The following MCPH1 variants were observed in gnomAD, a reference collection of about 807,000 sequenced individuals.
The protein encoded by MCPH1 is microcephalin.
In MCPH1, 104 loss-of-function variants were observed where a neutral mutation model predicts 84.5. The ratio of observed to expected loss-of-function variants is 1.23; its 90% CI spans 1.05 to 1.45. The LOEUF (loss-of-function observed/expected upper bound fraction) is 1.45. MCPH1 is among the 40% of genes most tolerant of loss of function. MCPH1 has a pLI of 0.00. For missense variants in MCPH1, 1,498 were observed against 1,005.7 expected (o/e 1.49, Z -6.62); for synonymous variants, 514 against 366.8 (o/e 1.40, Z -4.58).
chr8:6,471,767 A>G (rs954562606), intron 9 of MCPH1, among the ~76,000 whole-genome samples: 5 of 152,184 alleles, frequency 3.3e-5, no homozygotes, highest in African/African-American at 1.2e-4. Context: ...AGAAGCCTGT[A>G]CCCAAAAGTA....
At chr8:6,633,987 G>C (rs1298460926) in intron 13 of MCPH1, among the ~76,000 whole-genome samples, 2 of 152,192 alleles carry the variant, frequency 1.3e-5, no homozygotes, top group African/African-American at 4.8e-5. Flanking sequence ...GAAGAGTATG[G>C]TGTTGGGATG....
chr8:6,610,451 C>G (rs572268329), intron 12 of MCPH1, among the ~76,000 whole-genome samples: 2 of 152,338 alleles, frequency 1.3e-5, no homozygotes, highest in South Asian at 4.1e-4. Context: ...AGTCTGGCGT[C>G]AACTGTCATT....
intron 12 of MCPH1, chr8:6,532,209 T>C: frequency 8.9e-7 from 1 of 1,125,600 alleles, no homozygotes; most frequent in East Asian, 2.4e-5. Context: ...ATCAATTCAT[T>C]CCTTTTCTCC....
chr8:6,624,344 A>C (rs376336494), intron 13 of MCPH1, among the ~76,000 whole-genome samples: 8 of 152,196 alleles, frequency 5.3e-5, no homozygotes, highest in African/African-American at 1.9e-4. Context: ...TGTGTGCTGC[A>C]GACCTCACCC....
At position 6,436,130 on chromosome 8, in the gene MCPH1, C is replaced by T. The variant is rs760700224; in HGVS notation, c.404C>T (p.Ala135Val). 1 of 1,613,574 alleles carries T rather than the reference C, an allele frequency of 6.2e-7. No homozygotes were observed. Among genetic ancestry groups the T allele is most frequent in the East Asian group, 2.2e-5 (1 of 44,836 alleles). ...TTTCAGAAGAAATTTGAGAAAATGG[C>T]TAAAGAGCTACAAAGGCAAAAAACA... ...KRFQKKFEKM[A>V]KELQRQKTNL... Residue 135 changes from alanine to valine, a missense_variant, in exon 5 of 14, where the codon GCT (alanine) becomes GTT (valine). Coordinates refer to ENST00000344683, the MANE Select transcript of MCPH1 (RefSeq NM_024596.5).
intron 11 of MCPH1, among the ~76,000 whole-genome samples, chr8:6,488,386 G>A (rs1203794428): frequency 1.3e-5 from 2 of 152,206 alleles, no homozygotes; most frequent in Admixed American, 6.5e-5. Flanking sequence ...GGAAAGATGT[G>A]GAGAAACCTG....
At chr8:6,556,533 G>C (rs1335434092) in intron 12 of MCPH1, among the ~76,000 whole-genome samples, 2 of 152,020 alleles carry the variant, frequency 1.3e-5, no homozygotes, top group African/African-American at 4.8e-5. Flanking sequence ...CTTCTGTGCA[G>C]CACATACTAG....
chr8:6,422,286 TTTAG>T (rs1303105003), intron 3 of MCPH1, among the ~76,000 whole-genome samples: 1 of 152,062 alleles, frequency 6.6e-6, no homozygotes, highest in Non-Finnish European at 1.5e-5. Flanking sequence ...CAAAGGAAAA[TTTAG>T]TTAAGTGGCG....
chr8:6,410,536 C>T (rs1207527356), intron 2 of MCPH1, among the ~76,000 whole-genome samples: 4 of 152,168 alleles, frequency 2.6e-5, no homozygotes, highest in South Asian at 4.1e-4. Flanking sequence ...TTTACTATCA[C>T]GTACTGCTTG....
intron 12 of MCPH1, among the ~76,000 whole-genome samples, chr8:6,519,371 G>C (rs999651867): frequency 6.6e-6 from 1 of 152,166 alleles, no homozygotes; most frequent in African/African-American, 2.4e-5. Context: ...AGGCAGGGCA[G>C]CGGTAGCTAA....
At chr8:6,627,777 G>C (rs186983221) in intron 13 of MCPH1, among the ~76,000 whole-genome samples, 1 of 152,122 alleles carries the variant, frequency 6.6e-6, no homozygotes, top group Non-Finnish European at 1.5e-5. Flanking sequence ...TATAGTTCCA[G>C]CTACATGAGA....
At chr8:6,471,017 A>C (rs1243765742) in intron 9 of MCPH1, among the ~76,000 whole-genome samples, 1 of 152,214 alleles carries the variant, frequency 6.6e-6, no homozygotes, top group Admixed American at 6.5e-5. Context: ...GCTACAGTTT[A>C]AGTATCGAAG....
chr8:6,592,085 A>G (rs976178352), intron 12 of MCPH1, among the ~76,000 whole-genome samples: 3 of 152,184 alleles, frequency 2.0e-5, no homozygotes, highest in Middle Eastern at 3.2e-3. Context: ...ATAGAGAACA[A>G]TACAATATAG....
At chr8:6,623,688 C>CA (rs377522481) in intron 13 of MCPH1, among the ~76,000 whole-genome samples, 12,543 of 91,482 alleles carry the variant, frequency 0.14, 2,987 homozygotes, top group Non-Finnish European at 0.15. Context: ...AACCAACTTC[C>CA]AAAAAAAAAA....
Position 6,597,615 on chromosome 8 carries a change from G to A in MCPH1, c.2215-23839G>A, listed in dbSNP as rs1019863259. On this transcript the variant is annotated intron_variant, in intron 12 of 13. Coordinates refer to ENST00000344683, the MANE Select transcript of MCPH1 (RefSeq NM_024596.5). ...TGGGGGCTGGTGCTGCTGTGGACAC[G>A]ACAACCCGGAACACGGAGGGAGGGC... 2.0e-5 allele frequency among the ~76,000 whole-genome samples: 3 copies of A among 152,270 alleles called. No individual in the cohort carries two copies. The East Asian group carries it at 5.8e-4, about 29-fold the overall frequency.
chr8:6,473,420 TCC>T (rs1808027323), intron 9 of MCPH1, among the ~76,000 whole-genome samples: 1 of 129,268 alleles, frequency 7.7e-6, no homozygotes, highest in South Asian at 2.7e-4. Flanking sequence ...AAGCTCCGTC[TCC>T]CCAGGTTCAC....
intron 12 of MCPH1, among the ~76,000 whole-genome samples, chr8:6,551,933 A>G (rs1823719956): frequency 6.6e-6 from 1 of 152,220 alleles, no homozygotes; most frequent in Non-Finnish European, 1.5e-5. Context: ...TTGAGATTCC[A>G]AAGACTACGC....
chr8:6,496,858 C>T (rs556160431), intron 11 of MCPH1, among the ~76,000 whole-genome samples: 2 of 152,208 alleles, frequency 1.3e-5, no homozygotes, highest in Non-Finnish European at 2.9e-5. Flanking sequence ...ACTTAAAATC[C>T]CTCTTACAGA....
intron 13 of MCPH1, chr8:6,624,851 T>A (rs1418532422): frequency 1.0e-6 from 1 of 984,936 alleles, no homozygotes; most frequent in Non-Finnish European, 1.2e-6. Flanking sequence ...TTGCTTATTC[T>A]CTAACCAGAA....
Sources: allele counts gnomAD v4.1 joint callset (sites outside exome capture counted in the v4.1 genomes callset), GRCh38; gene constraint gnomAD v4.1.1; transcripts MANE v1.5; gene names NCBI Gene and HGNC (gene_info 2026-07-23, HGNC 2026-07-21).